The following ZCCHC2 variants were observed in gnomAD, a reference collection of about 807,000 sequenced individuals.
ZCCHC2 encodes zinc finger CCHC-type containing 2.
ZCCHC2 carries 39 observed loss-of-function variants against 103.6 expected under a neutral mutation model. That is an observed-to-expected ratio of 0.38 (90% CI 0.29 to 0.49). The LOEUF (loss-of-function observed/expected upper bound fraction) is 0.49. Ranked by LOEUF, ZCCHC2 falls within the 20% of genes least tolerant of loss-of-function variation. ZCCHC2 has a pLI of 0.96. For synonymous variants in ZCCHC2, 687 were observed against 608.9 expected (o/e 1.13, Z -1.89); for missense variants, 1,483 against 1,491.0 (o/e 0.99, Z 0.09).
chr18:62,550,314 C>G (rs771984425), intron 4 of ZCCHC2, 34 bp from the exon 5 acceptor site: 22 of 1,495,404 alleles, frequency 1.5e-5, no homozygotes, highest in Non-Finnish European at 2.0e-5. Flanking sequence ...AAGTGAGAAA[C>G]TTAACATTGG....
At chr18:62,542,673 A>G in intron 3 of ZCCHC2, 99 bp downstream of exon 3, 3 of 1,028,534 alleles carry the variant, frequency 2.9e-6, no homozygotes, top group Non-Finnish European at 4.3e-6. Context: ...AAAGGTATAT[A>G]TGTTTGTTTT....
chr18:62,582,693 G>T (rs1394743112), downstream of ZCCHC2, among the ~76,000 whole-genome samples: 1 of 151,870 alleles, frequency 6.6e-6, no homozygotes, highest in Non-Finnish European at 1.5e-5. Context: ...ATAAATAATG[G>T]CTCTGAAGGT....
At chr18:62,563,772 C>G (rs1481903578) in intron 9 of ZCCHC2, among the ~76,000 whole-genome samples, 3 of 152,202 alleles carry the variant, frequency 2.0e-5, no homozygotes, top group African/African-American at 7.2e-5. Context: ...AATTAGAATT[C>G]AGATTTCAAT....
At chr18:62,573,196 T>G (rs147837816) in intron 12 of ZCCHC2, among the ~76,000 whole-genome samples, 1,641 of 152,256 alleles carry the variant, frequency 0.011, 29 homozygotes, top group African/African-American at 0.037. Context: ...AGAAAGATTT[T>G]TAAATAGGCA....
Position 62,574,706 on chromosome 18 carries a change from G to T in ZCCHC2, c.2625G>T (p.Val875=). ...CCATCACAAAATCTGCATCCCAAGT[G>T]GTAGGACTCAATCAAATGGTGCCTC... ...TDPITKSASQ[V]VGLNQMVPQI... is the part of the protein sequence containing the mutation. The change falls in exon 13 of 14, where the codon GTG becomes GTT. Residue 875 remains valine, a synonymous_variant. Transcript: ENST00000269499. 2 of 1,613,966 alleles carry T rather than the reference G, an allele frequency of 1.2e-6. No individual in the cohort carries two copies. The highest frequency in any genetic ancestry group is 1.7e-6 in the Non-Finnish European group (2 of 1,179,890).
intron 3 of ZCCHC2, among the ~76,000 whole-genome samples, chr18:62,544,113 G>C (rs74831466): frequency 0.03 from 4,543 of 152,218 alleles, 230 homozygotes; most frequent in African/African-American, 0.1. Context: ...GAAATTTTTA[G>C]GGGGCCACAG....
intron 1 of ZCCHC2, 116 bp downstream of exon 1, chr18:62,524,479 A>G: frequency 1.5e-6 from 2 of 1,377,678 alleles, no homozygotes; most frequent in Non-Finnish European, 9.4e-7. Context: ...GTGGCTCGGA[A>G]TCCCCACCCG....
At chr18:62,547,616 G>A in intron 4 of ZCCHC2, among the ~76,000 whole-genome samples, 2 of 150,640 alleles carry the variant, frequency 1.3e-5, no homozygotes, top group African/African-American at 2.4e-5. Context: ...TAAGTGTAGT[G>A]ACACCATCTT....
At chr18:62,565,377 C>A (rs1039183871) in intron 11 of ZCCHC2, among the ~76,000 whole-genome samples, 1 of 152,170 alleles carries the variant, frequency 6.6e-6, no homozygotes, top group African/African-American at 2.4e-5. Context: ...TCTTCTCCAG[C>A]CAGTTCCAAC....
chr18:62,548,822 G>A (rs1915531615), intron 4 of ZCCHC2, among the ~76,000 whole-genome samples: 1 of 152,174 alleles, frequency 6.6e-6, no homozygotes, highest in Non-Finnish European at 1.5e-5. Context: ...GTACTCAGGA[G>A]GCCAAGGCAG....
rs1420783584 is a variant in ZCCHC2 at position 62,524,745 on chromosome 18, C to A, written c.939+382C>A. The A allele has an allele frequency of 3.8e-5, 8 of 212,156 alleles. No homozygotes were observed. In the East Asian group the frequency reaches 7.3e-4, roughly 19 times the overall value. 13.1% of individuals were successfully genotyped at this position (212,156 alleles called of 1,614,324 possible). Reference sequence around the variant, plus strand: ...CGGGAGCCGCCGGGCGCTGGAGGAACCTGTGTGAGAGCCAGCCGCAGTGAG... The same window carrying A: ...CGGGAGCCGCCGGGCGCTGGAGGAAACTGTGTGAGAGCCAGCCGCAGTGAG... On this transcript the variant is annotated intron_variant, in intron 1 of 13. Transcript: ENST00000269499.
At chr18:62,563,964 G>C (rs1013147364) in intron 9 of ZCCHC2, among the ~76,000 whole-genome samples, 2 of 152,178 alleles carry the variant, frequency 1.3e-5, no homozygotes, top group Admixed American at 1.3e-4. Flanking sequence ...GATATGGGGG[G>C]AGGTCCCTGT....
chr18:62,579,675 C>T (rs1916988387), downstream of ZCCHC2, among the ~76,000 whole-genome samples: 1 of 152,196 alleles, frequency 6.6e-6, no homozygotes, highest in Admixed American at 6.5e-5. Context: ...CCCTCCCTCC[C>T]CTTCCCCCAC....
At chr18:62,525,763 G>C (rs1411089533) in intron 1 of ZCCHC2, among the ~76,000 whole-genome samples, 2 of 151,858 alleles carry the variant, frequency 1.3e-5, no homozygotes, top group Non-Finnish European at 2.9e-5. Context: ...TTGAAATTTT[G>C]TCATCTTCCA....
chr18:62,527,040 T>C (rs371831966), intron 1 of ZCCHC2: 25 of 83,538 alleles, frequency 3.0e-4, no homozygotes, highest in African/African-American at 9.9e-4. Context: ...GAAAGTAACC[T>C]TTTAGACACA....
At chr18:62,544,639 T>G (rs1347821098) in intron 3 of ZCCHC2, among the ~76,000 whole-genome samples, 163 bp from the exon 4 acceptor site, 2 of 152,226 alleles carry the variant, frequency 1.3e-5, no homozygotes, top group Non-Finnish European at 2.9e-5. Context: ...TGCAGTTAAT[T>G]TTACTAATTT....
At chr18:62,583,099 G>A (rs947694377), downstream of ZCCHC2, among the ~76,000 whole-genome samples, 21 of 152,200 alleles carry the variant, frequency 1.4e-4, no homozygotes, top group African/African-American at 4.1e-4. Flanking sequence ...GTGAGACCGT[G>A]TCTTTTTTTT....
chr18:62,558,682 TG>T lies in ZCCHC2; in HGVS notation c.1409-4del. The T allele has an allele frequency of 6.7e-7, 1 of 1,495,118 alleles. No individual in the cohort carries two copies. The highest frequency in any genetic ancestry group is 9.0e-7 in the Non-Finnish European group (1 of 1,116,938). The allele number at this position is 1,495,118 out of a possible 1,614,324, so 92.6% of individuals were successfully genotyped here. ...AAAGTTAATAGTATTGAATGCTTCCTGCAGATAACTTACAATCCTCTCTGAA... is the reference window on the plus strand; with the variant it reads ...AAAGTTAATAGTATTGAATGCTTCCTCAGATAACTTACAATCCTCTCTGAA... On this transcript the variant is annotated splice_region_variant and splice_polypyrimidine_tract_variant and intron_variant, in intron 6 of 13. Coordinates refer to ENST00000269499, the MANE Select transcript of ZCCHC2 (RefSeq NM_017742.6).
intron 6 of ZCCHC2, among the ~76,000 whole-genome samples, chr18:62,556,621 G>A (rs993904485): frequency 6.6e-6 from 1 of 152,108 alleles, no homozygotes; most frequent in Admixed American, 6.5e-5. Context: ...GTATGATCTA[G>A]TCTGTCTTCC....
Sources: gnomAD v4.1 joint callset for allele counts (sites outside exome capture counted in the v4.1 genomes callset) on GRCh38, gnomAD v4.1.1 for gene constraint, MANE v1.5 for transcripts, NCBI Gene and HGNC (gene_info 2026-07-23, HGNC 2026-07-21) for gene names.